The following SOX30 variants were observed in gnomAD, a reference collection of about 807,000 sequenced individuals.
The protein encoded by SOX30 is SRY-box transcription factor 30, also known as transcription factor SOX-30.
SOX30 carries 17 observed loss-of-function variants against 58.6 expected under a neutral mutation model. The observed-to-expected ratio is 0.29, with a 90% CI of 0.20 to 0.44. The LOEUF (loss-of-function observed/expected upper bound fraction) is 0.44. Ranked by LOEUF, SOX30 falls within the 20% of genes least tolerant of loss-of-function variation. The pLI, the probability that SOX30 is intolerant of heterozygous loss-of-function variation, is 1.00. For synonymous variants in SOX30, 421 were observed against 400.2 expected (o/e 1.05, Z -0.62); for missense variants, 951 against 965.8 (o/e 0.98, Z 0.20).
chr5:157,669,792 TA>T (rs1759743939), intron 1 of SOX30, among the ~76,000 whole-genome samples: 1 of 152,142 alleles, frequency 6.6e-6, no homozygotes, highest in African/African-American at 2.4e-5. Context: ...GTGCAGGGAT[TA>T]CAGGCATGAG....
At chr5:157,643,229 C>T (rs1327260931) in intron 3 of SOX30, among the ~76,000 whole-genome samples, 2 of 152,040 alleles carry the variant, frequency 1.3e-5, no homozygotes. Context: ...TTTGAAAAAC[C>T]AGCCTGGCTA....
At chr5:157,663,220 T>C (rs953083538) in intron 2 of SOX30, among the ~76,000 whole-genome samples, 4 of 152,050 alleles carry the variant, frequency 2.6e-5, no homozygotes, top group Non-Finnish European at 5.9e-5. Context: ...ACTGGCAAAA[T>C]GAATCCAGCA....
Position 157,626,428 on chromosome 5 carries a change from G to A in SOX30, c.2174C>T (p.Ala725Val), listed in dbSNP as rs1198224086. ...GATGCTAGAAGGAGTTGATGTCGGG[G>A]CTGTGAAGACATTCTCCAAGGTTCC... Reference protein sequence around the residue: ...DIGTLENVFTAPTSTPSSIQQ... With the variant: ...DIGTLENVFTVPTSTPSSIQQ... Residue 725 changes from alanine to valine, a missense_variant, in exon 5 of 5, where the codon GCC becomes GTC. Ala to Val is a moderately conservative substitution (Grantham distance 64). Around this residue, in one of 7 missense-constraint regions of SOX30, gnomAD observed 381 missense variants for 390.0 expected, o/e 0.98. Coordinates refer to ENST00000265007, the MANE Select transcript of SOX30 (RefSeq NM_178424.2). 6.2e-7 allele frequency: 1 copy of A among 1,614,104 alleles called. No homozygotes were observed. The highest frequency in any genetic ancestry group is 1.1e-5 in the South Asian group (1 of 91,074).
At chr5:157,650,965 CA>C (rs1759314035) in intron 1 of SOX30, 146 bp downstream of exon 1, 2 of 597,044 alleles carry the variant, frequency 3.3e-6, no homozygotes, top group Non-Finnish European at 5.8e-6. Context: ...ACAAGTCGAT[CA>C]GAAGTGATAC....
intron 3 of SOX30, among the ~76,000 whole-genome samples, chr5:157,644,091 T>C (rs751117960): frequency 2.6e-5 from 4 of 152,170 alleles, no homozygotes; most frequent in Admixed American, 2.0e-4. Flanking sequence ...AAGGTGTATA[T>C]CTTAATAATT....
chr5:157,656,147 C>G (rs1327997381), upstream of SOX30, among the ~76,000 whole-genome samples: 2 of 152,046 alleles, frequency 1.3e-5, no homozygotes, highest in Admixed American at 1.3e-4. Context: ...TATCTTTTGT[C>G]TGTGTATTTA....
chr5:157,665,641 C>A (rs888426664), intron 2 of SOX30, among the ~76,000 whole-genome samples: 2 of 146,828 alleles, frequency 1.4e-5, no homozygotes, highest in African/African-American at 2.5e-5. Context: ...TTTAAATATA[C>A]ATTTATTTTA....
At chr5:157,661,814 G>A (rs2113858015) in intron 2 of SOX30, among the ~76,000 whole-genome samples, 1 of 152,288 alleles carries the variant, frequency 6.6e-6, no homozygotes, top group East Asian at 1.9e-4. Context: ...CATGACGAGT[G>A]TTGTTCTATA....
chr5:157,669,263 G>T (rs1472048227), intron 1 of SOX30, among the ~76,000 whole-genome samples: 1 of 152,118 alleles, frequency 6.6e-6, no homozygotes, highest in African/African-American at 2.4e-5. Flanking sequence ...GCACTATCTC[G>T]GCTCACTGCA....
Position 157,651,494 on chromosome 5 carries a change from C to G in SOX30, c.585G>C (p.Ser195=). The change falls in exon 1 of 5, where the codon TCG becomes TCC. Residue 195 remains serine, a synonymous_variant. Transcript: ENST00000265007. The stretch of plus-strand genomic sequence containing the variant: ...GGCTTTTGCCTGCCCCGCCTTGCAT[C>G]GAGTCTCTCATGACCTCCTCCGCCT... ...KLEAEEVMRD[S]MQGGAGKSPA... 6.2e-7 allele frequency: 1 copy of G among 1,613,416 alleles called. No homozygotes were observed. The highest frequency in any genetic ancestry group is 8.5e-7 in the Non-Finnish European group (1 of 1,180,004).
At chr5:157,647,339 C>A (rs938056071) in intron 2 of SOX30, among the ~76,000 whole-genome samples, 1 of 151,910 alleles carries the variant, frequency 6.6e-6, no homozygotes, top group Non-Finnish European at 1.5e-5. Flanking sequence ...GGATTACAGG[C>A]GAGAGCCACT....
chr5:157,655,843 G>A (rs547897956), upstream of SOX30, among the ~76,000 whole-genome samples: 1 of 152,210 alleles, frequency 6.6e-6, no homozygotes, highest in Non-Finnish European at 1.5e-5. Context: ...CTAGTCTTAA[G>A]CTGTAGCCAA....
At chr5:157,639,420 TAAAC>T (rs1232628684) in intron 3 of SOX30, among the ~76,000 whole-genome samples, 5 of 152,182 alleles carry the variant, frequency 3.3e-5, no homozygotes, top group African/African-American at 9.7e-5. Flanking sequence ...GAAAAAAACT[TAAAC>T]AACAAAATTA....
intron 4 of SOX30, 123 bp downstream of exon 4, chr5:157,638,107 A>G: frequency 1.0e-6 from 1 of 974,700 alleles, no homozygotes; most frequent in Non-Finnish European, 1.5e-6. Context: ...CTTGGCTCCT[A>G]GTCAGCAGAA....
At chr5:157,648,413 C>T (rs552972942) in intron 2 of SOX30, among the ~76,000 whole-genome samples, 75 of 152,294 alleles carry the variant, frequency 4.9e-4, no homozygotes, top group African/African-American at 1.8e-3. Context: ...CACAATAAAA[C>T]TGCGTGTCCT....
chr5:157,637,509 G>A (rs1758958793), intron 4 of SOX30, among the ~76,000 whole-genome samples: 1 of 152,034 alleles, frequency 6.6e-6, no homozygotes, highest in South Asian at 2.1e-4. Context: ...CTCCCATATA[G>A]GATACTACTA....
intron 4 of SOX30, among the ~76,000 whole-genome samples, 186 bp from the exon 5 acceptor site, chr5:157,626,907 T>C (rs1758670752): frequency 6.6e-6 from 1 of 152,226 alleles, no homozygotes; most frequent in African/African-American, 2.4e-5. Context: ...GAAAGGGAGC[T>C]TGTGACTGGA....
In SOX30 at chr5:157,652,164, C is replaced by A. The variant is rs375821635; in HGVS notation, c.-86G>T. ...CTCCCCCTTTCGGTTAAGAGCCTTG[C>A]AAGGCCTTTGCTACCCAGAACCCTA... On this transcript the variant is annotated 5_prime_UTR_variant, in exon 1 of 5. Transcript: ENST00000265007. 37 of 1,373,914 alleles carry A rather than the reference C, an allele frequency of 2.7e-5. No individual in the cohort carries two copies. The highest frequency in any genetic ancestry group is 1.7e-4 in the East Asian group (6 of 34,516). The allele number at this position is 1,373,914 out of a possible 1,614,324, so 85.1% of individuals were successfully genotyped here.
intron 2 of SOX30, among the ~76,000 whole-genome samples, chr5:157,647,365 T>C (rs183047434): frequency 9.3e-4 from 141 of 151,294 alleles, no homozygotes; most frequent in African/African-American, 3.2e-3. Context: ...TGGCCAAGGG[T>C]CAAATGTTTT....
Sources: allele counts gnomAD v4.1 joint callset (sites outside exome capture counted in the v4.1 genomes callset), GRCh38; gene constraint gnomAD v4.1.1; regional missense constraint gnomAD v4.1.1; transcripts MANE v1.5; gene names NCBI Gene and HGNC (gene_info 2026-07-23, HGNC 2026-07-21).